Variants in SYTL2 observed in about 807,000 individuals in gnomAD.
The protein encoded by SYTL2 is synaptotagmin like 2.
SYTL2 carries 165 observed loss-of-function variants against 198.7 expected under a neutral mutation model. The ratio of observed to expected loss-of-function variants is 0.83; its 90% CI spans 0.73 to 0.94. SYTL2 has a LOEUF of 0.94. Ranked by LOEUF, SYTL2 falls within the 40% of genes least tolerant of loss-of-function variation. The probability of loss-of-function intolerance (pLI) is 0.00; values close to 1 mark genes in which losing one functional copy is unlikely to be tolerated. For missense variants in SYTL2, 2,835 were observed against 2,582.8 expected (o/e 1.10, Z -2.12); for synonymous variants, 966 against 917.7 (o/e 1.05, Z -0.95).
At position 85,734,291 on chromosome 11, in the gene SYTL2, A is replaced by C; in HGVS notation, c.1038T>G (p.Pro346=). The change falls in exon 7 of 20, where the codon CCT becomes CCG. Residue 346 remains proline (P), a synonymous_variant. Transcript: ENST00000359152. ...SAVKDELPQS[P]GLIHGREVGE... is the part of the protein sequence containing the mutation. ...CTACTTCCCGACCATGGATTAGCCC[A>C]GGACTCTGTGGAAGCTCATCCTTCA... 6.2e-7 allele frequency: 1 copy of C among 1,614,192 alleles called. No individual in the cohort carries two copies.
At position 85,698,071 on chromosome 11, in the gene SYTL2, C is replaced by A; in HGVS notation, c.6276G>T (p.Lys2092Asn). The stretch of plus-strand genomic sequence containing the variant: ...TGTGCACTTCTCCAGTTGTAGGAAG[C>A]TTTTTACCTACAATAGAAAAAGAAG... ...QYVPEPVPGKKLPTTGEVHIW... is the reference protein window; with the variant it reads ...QYVPEPVPGKNLPTTGEVHIW... The change falls in exon 18 of 20, where the codon AAG (lysine) becomes AAT (asparagine). Residue 2092 changes from lysine (K) to asparagine (N), a missense_variant. By Grantham distance (94) the Lys-to-Asn change is moderately conservative (BLOSUM62 0). Coordinates refer to ENST00000359152, the MANE Select transcript of SYTL2 (RefSeq NM_206927.4). 1 of 1,611,452 alleles carries A rather than the reference C, an allele frequency of 6.2e-7. No homozygotes were observed. Among genetic ancestry groups the A allele is most frequent in the Non-Finnish European group, 8.5e-7 (1 of 1,177,724 alleles).
At chr11:85,742,428 T>A (rs1475674332) in intron 4 of SYTL2, among the ~76,000 whole-genome samples, 1 of 152,200 alleles carries the variant, frequency 6.6e-6, no homozygotes, top group Non-Finnish European at 1.5e-5. Context: ...ACTCCCCACC[T>A]TGGCTCAGCC....
chr11:85,706,981 C>T (rs1378533595), intron 15 of SYTL2, among the ~76,000 whole-genome samples: 1 of 152,134 alleles, frequency 6.6e-6, no homozygotes, highest in Admixed American at 6.5e-5. Flanking sequence ...GCTGGGATTA[C>T]AGGTGCCTGC....
At chr11:85,783,669 C>G (rs2092596373) in intron 1 of SYTL2, among the ~76,000 whole-genome samples, 1 of 152,154 alleles carries the variant, frequency 6.6e-6, no homozygotes, top group Admixed American at 6.5e-5. Flanking sequence ...AGTAAGCATT[C>G]TACAGATAAG....
chr11:85,833,166 A>G, the SYTL2 span, among the ~76,000 whole-genome samples: 2,531 of 123,316 alleles, frequency 0.021, 247 homozygotes, highest in South Asian at 0.032. Context: ...AAAGAAAGAA[A>G]GAAAGAAAGA....
intron 1 of SYTL2, among the ~76,000 whole-genome samples, chr11:85,776,039 G>A (rs886228270): frequency 6.6e-6 from 1 of 152,190 alleles, no homozygotes; most frequent in African/African-American, 2.4e-5. Flanking sequence ...CTCTCCTTCA[G>A]AAGATGAGTG....
At chr11:85,746,229 T>C (rs1231294263) in intron 3 of SYTL2, among the ~76,000 whole-genome samples, 2 of 152,152 alleles carry the variant, frequency 1.3e-5, no homozygotes, top group African/African-American at 4.8e-5. Flanking sequence ...GAACAAATGA[T>C]TATGGTCTAG....
Position 85,710,984 on chromosome 11 carries a change from T to G in SYTL2, c.5745+129A>C. Reference sequence around the variant, plus strand: ...ATAGATGTAGCTAGCCAGAAGCTAATTATGGATTAGAGAAACTGTTTGTGC... The same window carrying G: ...ATAGATGTAGCTAGCCAGAAGCTAAGTATGGATTAGAGAAACTGTTTGTGC... On this transcript the variant is annotated intron_variant, in intron 13 of 19. Coordinates refer to ENST00000359152, the MANE Select transcript of SYTL2 (RefSeq NM_206927.4). The G allele has an allele frequency of 3.1e-6, 3 of 968,548 alleles. No homozygotes were observed. In the Admixed American group the frequency reaches 8.0e-5, roughly 26 times the overall value. 60.0% of individuals were successfully genotyped at this position (968,548 alleles called of 1,614,324 possible).
chr11:85,777,350 C>T (rs2153592124), intron 1 of SYTL2, among the ~76,000 whole-genome samples: 1 of 152,290 alleles, frequency 6.6e-6, no homozygotes, highest in Admixed American at 6.5e-5. Flanking sequence ...TTGACCATTA[C>T]CAAAAGTGTC....
chr11:85,793,209 C>T (rs1430709704), intron 1 of SYTL2, among the ~76,000 whole-genome samples: 1 of 151,576 alleles, frequency 6.6e-6, no homozygotes, highest in Non-Finnish European at 1.5e-5. Context: ...GCCACACTGA[C>T]TTCCACAATG....
intron 6 of SYTL2, among the ~76,000 whole-genome samples, chr11:85,734,970 C>T (rs1001580110): frequency 1.3e-4 from 20 of 152,106 alleles, no homozygotes; most frequent in Admixed American, 4.6e-4. Context: ...CAATGGTGGC[C>T]GCACACTATT....
chr11:85,851,932 A>C, the SYTL2 span, among the ~76,000 whole-genome samples: 8 of 152,370 alleles, frequency 5.3e-5, no homozygotes, highest in Admixed American at 5.2e-4. Context: ...ACAGAAGAAC[A>C]TTTATCAGAT....
the SYTL2 span, among the ~76,000 whole-genome samples, chr11:85,832,552 C>T: frequency 6.6e-6 from 1 of 152,004 alleles, no homozygotes; most frequent in Admixed American, 6.6e-5. Flanking sequence ...TAATTGAATT[C>T]AAGTGTCATG....
At chr11:85,697,138 TATAAAG>T (rs2083519361) in intron 18 of SYTL2, among the ~76,000 whole-genome samples, 1 of 152,316 alleles carries the variant, frequency 6.6e-6, no homozygotes, top group Middle Eastern at 3.4e-3. Flanking sequence ...AGCTGACATC[TATAAAG>T]ATAATGTGTA....
rs1004952643 is a variant in SYTL2 at position 85,724,958 on chromosome 11, A to G, written c.4400T>C (p.Ile1467Thr). ...SDQTLSSFAS[I>T]VAQYGKGLPQ... is the part of the protein sequence containing the mutation. ...GAGGCCTTTGCCATATTGAGCAACAATGGAAGCAAATGAGCTAAGCGTCTG... is the reference window on the plus strand; with the variant it reads ...GAGGCCTTTGCCATATTGAGCAACAGTGGAAGCAAATGAGCTAAGCGTCTG... Residue 1467 changes from isoleucine to threonine, a missense_variant, in exon 8 of 20, where the codon ATT becomes ACT. Ile to Thr is a moderately conservative substitution (Grantham distance 89). This residue lies in a region of SYTL2 where 2,645 missense variants were observed against 2,381.7 expected (regional missense o/e 1.11). Transcript: ENST00000359152. 12 of 1,613,698 alleles carry G rather than the reference A, an allele frequency of 7.4e-6. No homozygotes were observed. The highest frequency in any genetic ancestry group is 3.3e-5 in the South Asian group (3 of 90,976).
the SYTL2 span, among the ~76,000 whole-genome samples, chr11:85,831,654 G>T: frequency 2.0e-5 from 3 of 152,216 alleles, no homozygotes; most frequent in East Asian, 5.8e-4. Context: ...TTAGTACTTT[G>T]GTTGTGGTGA....
chr11:85,712,414 A>G (rs2086464279), intron 12 of SYTL2, among the ~76,000 whole-genome samples: 1 of 152,158 alleles, frequency 6.6e-6, no homozygotes, highest in Non-Finnish European at 1.5e-5. Flanking sequence ...GTTGATCTGG[A>G]ATGGTGTTTT....
chr11:85,801,220 T>C (rs1293247261), intron 1 of SYTL2, among the ~76,000 whole-genome samples: 1 of 151,994 alleles, frequency 6.6e-6, no homozygotes, highest in African/African-American at 2.4e-5. Flanking sequence ...AAATTCAGCA[T>C]GCATTAGGTA....
At position 85,720,876 on chromosome 11, in the gene SYTL2, T is replaced by C. The variant is rs1342012708; in HGVS notation, c.5410A>G (p.Ile1804Val). 6.2e-7 allele frequency: 1 copy of C among 1,612,584 alleles called. No individual in the cohort carries two copies. The highest frequency in any genetic ancestry group is 8.5e-7 in the Non-Finnish European group (1 of 1,178,608). The change falls in exon 9 of 20, where the codon ATT (isoleucine) becomes GTT (valine). Residue 1804 changes from isoleucine to valine, a missense_variant. By Grantham distance (29) the Ile-to-Val change is conservative. Coordinates refer to ENST00000359152, the MANE Select transcript of SYTL2 (RefSeq NM_206927.4). ...TTCTCACTTGATGAATCTGATGAAA[T>C]GTCTTCTAGACTTTTGGAAGGCATT... ...RKMPSKSLED[I>V]SSDSSNQAKV...
Sources: allele counts gnomAD v4.1 joint callset (sites outside exome capture counted in the v4.1 genomes callset), GRCh38; gene constraint gnomAD v4.1.1; regional missense constraint gnomAD v4.1.1; transcripts MANE v1.5; gene names NCBI Gene and HGNC (gene_info 2026-07-23, HGNC 2026-07-21).